Variants in GPC6 observed in about 807,000 individuals in gnomAD.
The protein encoded by GPC6 is glypican-6.
In GPC6, 14 loss-of-function variants were observed where a neutral mutation model predicts 55.2. The ratio of observed to expected loss-of-function variants is 0.25; its 90% CI spans 0.17 to 0.40. The LOEUF (loss-of-function observed/expected upper bound fraction) is 0.40, where lower values mean the gene tolerates loss of function less well. Ranked by LOEUF, GPC6 falls within the 10% of genes least tolerant of loss-of-function variation. The probability of loss-of-function intolerance (pLI) is 1.00; values close to 1 mark genes in which losing one functional copy is unlikely to be tolerated. For missense variants in GPC6, 641 were observed against 708.5 expected, an observed-to-expected ratio of 0.90 and a Z score of 1.08; for synonymous variants, 278 against 259.6, an observed-to-expected ratio of 1.07 and a Z score of -0.68.
chr13:93,659,582 A>T (rs1205680646), intron 2 of GPC6, among the ~76,000 whole-genome samples: 6 of 152,042 alleles, frequency 3.9e-5, no homozygotes, highest in Non-Finnish European at 1.5e-5. Flanking sequence ...AGCAATGCAG[A>T]TCAATCAACA....
In GPC6 at chr13:93,559,826, G is replaced by C. The variant is rs530765454; in HGVS notation, c.319+14405G>C. On this transcript the variant is annotated intron_variant, in intron 2 of 8. Transcript: ENST00000377047. ...TGGGGTACCCTTGGCATGATGCCAC[G>C]GGTGAATGCAGAATGCATCACGGGA... is the stretch of plus-strand genomic sequence containing the variant. Among the ~76,000 whole-genome samples the C allele has an allele frequency of 5.3e-5, 8 of 152,182 alleles. No individual in the cohort carries two copies. The East Asian group carries it at 1.5e-3, about 29-fold the overall frequency.
chr13:94,197,740 G>C (rs1467823945), intron 4 of GPC6, among the ~76,000 whole-genome samples: 1 of 152,102 alleles, frequency 6.6e-6, no homozygotes, highest in Non-Finnish European at 1.5e-5. Flanking sequence ...ACAAAAGATA[G>C]TATCTGTATT....
chr13:93,999,307 T>A (rs1881695470), intron 3 of GPC6, among the ~76,000 whole-genome samples: 1 of 152,188 alleles, frequency 6.6e-6, no homozygotes, highest in Non-Finnish European at 1.5e-5. Flanking sequence ...TATGATAGTT[T>A]GCTGAGAATG....
At chr13:94,175,746 G>C (rs1888725748) in intron 4 of GPC6, among the ~76,000 whole-genome samples, 2 of 150,488 alleles carry the variant, frequency 1.3e-5, no homozygotes, top group South Asian at 4.2e-4. Flanking sequence ...ATATTTCCTT[G>C]ATAAGCATGA....
At chr13:93,557,406 A>T (rs186881934) in intron 2 of GPC6, among the ~76,000 whole-genome samples, 3 of 152,308 alleles carry the variant, frequency 2.0e-5, no homozygotes, top group African/African-American at 7.2e-5. Flanking sequence ...TGTTAAAAAA[A>T]ATAGGTTAAG....
intron 1 of GPC6, among the ~76,000 whole-genome samples, chr13:93,327,964 A>T (rs1323786904): frequency 6.6e-6 from 1 of 152,104 alleles, no homozygotes; most frequent in Non-Finnish European, 1.5e-5. Flanking sequence ...GATAATGCAG[A>T]GCTTTGAGGA....
chr13:93,839,511 C>T (rs1372404165), intron 3 of GPC6, among the ~76,000 whole-genome samples: 1 of 152,054 alleles, frequency 6.6e-6, no homozygotes, highest in Non-Finnish European at 1.5e-5. Context: ...CACATTTATT[C>T]TGTTTATGTG....
chr13:93,752,591 G>A (rs773384202), intron 2 of GPC6, among the ~76,000 whole-genome samples: 2 of 152,132 alleles, frequency 1.3e-5, no homozygotes, highest in African/African-American at 2.4e-5. Flanking sequence ...TTTGGGAAAG[G>A]TTTGATTACT....
At chr13:93,440,161 C>A (rs573955379) in intron 1 of GPC6, among the ~76,000 whole-genome samples, 37 of 152,114 alleles carry the variant, frequency 2.4e-4, no homozygotes, top group Non-Finnish European at 4.7e-4. Context: ...CCAAGAGTAT[C>A]ATATAAAAAA....
intron 1 of GPC6, among the ~76,000 whole-genome samples, chr13:93,471,164 G>A (rs1486414693): frequency 6.6e-6 from 1 of 151,448 alleles, no homozygotes; most frequent in East Asian, 1.9e-4. Flanking sequence ...TGTTTATTTT[G>A]CTCCTTTTTT....
chr13:94,392,942 G>C (rs73553845), intron 7 of GPC6, among the ~76,000 whole-genome samples: 3 of 152,176 alleles, frequency 2.0e-5, no homozygotes. Flanking sequence ...GAATTGCCAT[G>C]CAGTTTTCTG....
chr13:93,959,778 T>A (rs1566623106), intron 3 of GPC6, among the ~76,000 whole-genome samples: 1 of 152,170 alleles, frequency 6.6e-6, no homozygotes, highest in Non-Finnish European at 1.5e-5. Flanking sequence ...ATTAACTCAT[T>A]TACTCTTCAC....
intron 1 of GPC6, among the ~76,000 whole-genome samples, chr13:93,245,737 G>A (rs1002674720): frequency 6.6e-6 from 1 of 152,126 alleles, no homozygotes; most frequent in African/African-American, 2.4e-5. Flanking sequence ...GGTTGTGGGT[G>A]AGAATCTCCA....
chr13:93,913,692 G>T (rs1035337834), intron 3 of GPC6, among the ~76,000 whole-genome samples: 1 of 151,824 alleles, frequency 6.6e-6, no homozygotes, highest in East Asian at 1.9e-4. Context: ...TTCTTTCATC[G>T]TTTTTTTGGA....
intron 4 of GPC6, among the ~76,000 whole-genome samples, chr13:94,100,488 G>T (rs1327124049): frequency 2.0e-5 from 3 of 152,178 alleles, no homozygotes; most frequent in South Asian, 2.1e-4. Flanking sequence ...TAGATTTGGG[G>T]TCACTTCAAC....
intron 3 of GPC6, among the ~76,000 whole-genome samples, chr13:93,947,107 G>A (rs1383395756): frequency 1.3e-5 from 2 of 152,108 alleles, no homozygotes; most frequent in Non-Finnish European, 2.9e-5. Context: ...ATAATTTTTG[G>A]CCTTCGAGAG....
At chr13:93,929,396 A>G (rs1878037474) in intron 3 of GPC6, among the ~76,000 whole-genome samples, 1 of 152,208 alleles carries the variant, frequency 6.6e-6, no homozygotes, top group Non-Finnish European at 1.5e-5. Flanking sequence ...TTATTTGAGA[A>G]TGTTAATGCC....
chr13:94,022,610 G>T (rs899659542), intron 3 of GPC6, among the ~76,000 whole-genome samples: 1 of 152,000 alleles, frequency 6.6e-6, no homozygotes, highest in Non-Finnish European at 1.5e-5. Context: ...AACCAGAAAA[G>T]GGATTACTGG....
rs147878064 is a variant in GPC6, at chr13:93,628,173, G to GT, written c.319+82752_319+82753insT. Among the ~76,000 whole-genome samples, 140 of 152,242 alleles carry GT rather than the reference G, an allele frequency of 9.2e-4. 1 individual carries two copies. The highest frequency in any genetic ancestry group is 3.2e-3 in the African/African-American group (131 of 41,502). On this transcript the variant is annotated intron_variant, in intron 2 of 8. Coordinates refer to ENST00000377047, the MANE Select transcript of GPC6 (RefSeq NM_005708.5). ...TTGCATGATTGTATCAAAGAAAATGGAAGTGCCTTTGATCAATTTATTAGT... is the reference window on the plus strand; with the variant it reads ...TTGCATGATTGTATCAAAGAAAATGGTAAGTGCCTTTGATCAATTTATTAGT...
Sources: allele counts gnomAD v4.1 joint callset (sites outside exome capture counted in the v4.1 genomes callset), GRCh38; gene constraint gnomAD v4.1.1; transcripts MANE v1.5; gene names NCBI Gene and HGNC (gene_info 2026-07-23, HGNC 2026-07-21).